CRYBG1: variants seen among roughly 807,000 people sequenced by gnomAD.
The protein encoded by CRYBG1 is beta/gamma crystallin domain-containing protein 1.
A neutral mutation model predicts 189.2 loss-of-function variants in CRYBG1; 139 were observed. That is an observed-to-expected ratio of 0.73 (90% CI 0.64 to 0.85). The LOEUF (loss-of-function observed/expected upper bound fraction) is 0.85. Among genes scored for constraint, CRYBG1 ranks in the 40% least tolerant of loss-of-function variants. The pLI is 0.00. For synonymous variants in CRYBG1, 1,023 were observed against 1,017.1 expected (o/e 1.01, Z -0.11); for missense variants, 2,611 against 2,675.8 (o/e 0.98, Z 0.53).
intron 9 of CRYBG1, chr6:106,541,013 T>A (rs540453517): frequency 1.4e-5 from 3 of 208,538 alleles, no homozygotes; most frequent in African/African-American, 7.0e-5. Flanking sequence ...TTTAACAGTT[T>A]ATCTAATTAT....
rs752049159 is a variant in CRYBG1 at position 106,520,674 on chromosome 6, G to A, written c.3466G>A (p.Val1156Met). The A allele has an allele frequency of 1.4e-5, 23 of 1,614,042 alleles. 1 individual carries two copies. In the South Asian group the frequency reaches 2.5e-4, roughly 18 times the overall value. Reference protein sequence around the residue: ...DHLEKVFDPKVFTFGLGKKKE... With the variant: ...DHLEKVFDPKMFTFGLGKKKE... ...TTTAGAAAAGGTGTTTGATCCCAAA[G>A]TGTTTACCTTTGGTTTGGGGAAGAA... The change falls in exon 4 of 22, where the codon GTG becomes ATG. Residue 1156 changes from valine to methionine, a missense_variant. Around this residue, in one of 3 missense-constraint regions of CRYBG1, gnomAD observed 1,622 missense variants for 1,735.0 expected, o/e 0.93. Transcript: ENST00000633556.
chr6:106,455,765 G>T (rs191569514), intron 2 of CRYBG1, among the ~76,000 whole-genome samples: 131 of 151,726 alleles, frequency 8.6e-4, no homozygotes, highest in African/African-American at 3.0e-3. Flanking sequence ...AGCAAAAAAA[G>T]GTTTTTTGCT....
intron 1 of CRYBG1, among the ~76,000 whole-genome samples, chr6:106,439,767 C>T (rs2114419294): frequency 6.6e-6 from 1 of 151,958 alleles, no homozygotes; most frequent in African/African-American, 2.4e-5. Context: ...TTTATACCCA[C>T]TGAGTACAGG....
intron 1 of CRYBG1, among the ~76,000 whole-genome samples, chr6:106,379,742 G>T (rs982676385): frequency 3.9e-5 from 6 of 152,018 alleles, no homozygotes; most frequent in African/African-American, 1.4e-4. Flanking sequence ...AACAATTTTT[G>T]TAAAGATGGG....
chr6:106,519,628 T>A lies in CRYBG1; in HGVS notation c.2420T>A (p.Val807Asp). 6.2e-7 allele frequency: 1 copy of A among 1,614,172 alleles called. No homozygotes were observed. Among genetic ancestry groups the A allele is most frequent in the Non-Finnish European group, 8.5e-7 (1 of 1,180,016 alleles). The change falls in exon 4 of 22, where the codon GTC (valine) becomes GAC (aspartate). Residue 807 changes from valine (V) to aspartate (D), a missense_variant. Physicochemically the swap from Val to Asp is radical, Grantham distance 152 (BLOSUM62 -3). This residue lies in a region of CRYBG1 where 1,622 missense variants were observed against 1,735.0 expected (regional missense o/e 0.93). Coordinates refer to ENST00000633556, the MANE Select transcript of CRYBG1 (RefSeq NM_001371242.2). The stretch of plus-strand genomic sequence containing the variant: ...CCAGTGGCTTCTGCTCTGATTCCTG[T>A]CAAGGATCATAAGCTCTTAGAGAAG... ...SEPVASALIP[V>D]KDHKLLEKED... is the part of the protein sequence containing the mutation.
At chr6:106,437,762 T>C (rs1771488902) in intron 1 of CRYBG1, among the ~76,000 whole-genome samples, 1 of 152,192 alleles carries the variant, frequency 6.6e-6, no homozygotes, top group Non-Finnish European at 1.5e-5. Flanking sequence ...TCTCATTGCT[T>C]TTAATCGTAG....
intron 3 of CRYBG1, among the ~76,000 whole-genome samples, chr6:106,515,482 G>A (rs867579050): frequency 6.6e-5 from 10 of 152,072 alleles, no homozygotes; most frequent in African/African-American, 1.9e-4. Flanking sequence ...GATATACTTC[G>A]ATGTTTGAAT....
chr6:106,545,275 G>T (rs1028966692), intron 13 of CRYBG1, among the ~76,000 whole-genome samples: 1 of 152,090 alleles, frequency 6.6e-6, no homozygotes, highest in Non-Finnish European at 1.5e-5. Flanking sequence ...CCTGAGGCTG[G>T]GTCAAAGTCC....
At chr6:106,494,516 A>C (rs752618508) in intron 2 of CRYBG1, among the ~76,000 whole-genome samples, 10 of 152,202 alleles carry the variant, frequency 6.6e-5, no homozygotes, top group African/African-American at 9.7e-5. Context: ...ATGATGAAAG[A>C]AAGAGGAGAA....
At chr6:106,409,029 C>T (rs1390864672) in intron 1 of CRYBG1, among the ~76,000 whole-genome samples, 9 of 150,552 alleles carry the variant, frequency 6.0e-5, no homozygotes, top group Non-Finnish European at 8.8e-5. Context: ...CCAGGGTAAT[C>T]AGGCAAGAGA....
intron 3 of CRYBG1, among the ~76,000 whole-genome samples, chr6:106,516,806 C>A (rs1022596268): frequency 3.3e-5 from 5 of 152,112 alleles, no homozygotes; most frequent in Non-Finnish European, 5.9e-5. Flanking sequence ...CAAACTGTGG[C>A]CCTGTCACTT....
chr6:106,428,996 TG>T (rs1325576116), intron 1 of CRYBG1, among the ~76,000 whole-genome samples: 1 of 152,246 alleles, frequency 6.6e-6, no homozygotes. Context: ...CAACCCAAGC[TG>T]CTGTTCACTT....
At chr6:106,509,623 G>T (rs1231295572) in intron 2 of CRYBG1, among the ~76,000 whole-genome samples, 1 of 151,870 alleles carries the variant, frequency 6.6e-6, no homozygotes, top group Non-Finnish European at 1.5e-5. Context: ...TGATTCATGC[G>T]CACTTCCCCG....
intron 2 of CRYBG1, among the ~76,000 whole-genome samples, chr6:106,489,787 C>CAAAAAAAAA (rs10593320): frequency 8.6e-5 from 7 of 81,606 alleles, no homozygotes; most frequent in African/African-American, 1.6e-4. Flanking sequence ...ACTCTGTGTC[C>CAAAAAAAAA]AAAAAAAAAA....
chr6:106,449,910 A>C (rs1255920831), intron 1 of CRYBG1, among the ~76,000 whole-genome samples: 1 of 152,224 alleles, frequency 6.6e-6, no homozygotes, highest in Non-Finnish European at 1.5e-5. Context: ...TATAATGCAA[A>C]CAATAGTGAC....
At chr6:106,539,590 C>T in intron 9 of CRYBG1, 61 bp downstream of exon 9, 2 of 1,549,270 alleles carry the variant, frequency 1.3e-6, no homozygotes, top group South Asian at 2.4e-5. Flanking sequence ...TGGTAATTCA[C>T]AGGGTGTGAC....
At chr6:106,501,029 C>G (rs1206656230) in intron 2 of CRYBG1, among the ~76,000 whole-genome samples, 2 of 152,148 alleles carry the variant, frequency 1.3e-5, no homozygotes, top group African/African-American at 2.4e-5. Flanking sequence ...AAAATATGTA[C>G]ATTTGGTAAA....
rs1477025393 is a variant in CRYBG1 at position 106,543,022 on chromosome 6, A to AATTTT, written c.4882-403_4882-399dup. Among the ~76,000 whole-genome samples, 4 of 148,302 alleles carry AATTTT rather than the reference A, an allele frequency of 2.7e-5. No individual in the cohort carries two copies. The South Asian group carries it at 8.5e-4, about 31-fold the overall frequency. On this transcript the variant is annotated intron_variant, in intron 10 of 21. Coordinates refer to ENST00000633556, the MANE Select transcript of CRYBG1 (RefSeq NM_001371242.2). ...TATTTTATTTATTTTAATTAAATTT[A>AATTTT]ATTTTATTTTATTTTATTTATTTTA...
chr6:106,534,648 T>A (rs554165499), intron 8 of CRYBG1, among the ~76,000 whole-genome samples: 1 of 152,336 alleles, frequency 6.6e-6, no homozygotes, highest in South Asian at 2.1e-4. Flanking sequence ...ATAAGGGTGT[T>A]ACTTGTCTGG....
Sources: gnomAD v4.1 joint callset for allele counts (sites outside exome capture counted in the v4.1 genomes callset) on GRCh38, gnomAD v4.1.1 for gene constraint, gnomAD v4.1.1 regional missense constraint, MANE v1.5 for transcripts, NCBI Gene and HGNC (gene_info 2026-07-23, HGNC 2026-07-21) for gene names.